Variants in SLIRP observed in about 807,000 individuals in gnomAD.
SLIRP encodes the protein SRA stem-loop-interacting RNA-binding protein, mitochondrial.
In SLIRP, 12 loss-of-function variants were observed where a neutral mutation model predicts 13.4. The ratio of observed to expected loss-of-function variants is 0.89; its 90% CI spans 0.57 to 1.45. The LOEUF is 1.45. Among genes scored for constraint, SLIRP ranks in the 40% most tolerant of loss-of-function variants. The pLI is 0.00. For synonymous variants in SLIRP, 55 were observed against 47.1 expected, an observed-to-expected ratio of 1.17 and a Z score of -0.69; for missense variants, 154 against 132.2, an observed-to-expected ratio of 1.17 and a Z score of -0.81.
chr14:77,714,281 C>T (rs2080460168), intron 2 of SLIRP, among the ~76,000 whole-genome samples: 3 of 152,160 alleles, frequency 2.0e-5, no homozygotes, highest in African/African-American at 4.8e-5. Context: ...GCTGTGATTA[C>T]AGGCATGAGC....
chr14:77,715,674 C>T (rs562675594), intron 2 of SLIRP, 98 bp from the exon 3 acceptor site: 64 of 1,002,810 alleles, frequency 6.4e-5, no homozygotes, highest in Middle Eastern at 3.1e-4. Context: ...TTAAAAAGTC[C>T]GATTTTTGGC....
intron 1 of SLIRP, among the ~76,000 whole-genome samples, 171 bp downstream of exon 1, chr14:77,708,379 C>T (rs912612458): frequency 7.2e-5 from 11 of 152,196 alleles, no homozygotes; most frequent in African/African-American, 1.4e-4. Flanking sequence ...TTAGGGATGT[C>T]CCTTGAGCTT....
intron 2 of SLIRP, among the ~76,000 whole-genome samples, chr14:77,714,676 T>G (rs1738875537): frequency 6.6e-6 from 1 of 152,264 alleles, no homozygotes; most frequent in African/African-American, 2.4e-5. Context: ...TAGAAATTGT[T>G]GTATCTACAA....
chr14:77,708,453 G>A (rs562545684), intron 1 of SLIRP, among the ~76,000 whole-genome samples: 10 of 152,254 alleles, frequency 6.6e-5, no homozygotes, highest in African/African-American at 2.4e-4. Context: ...TTTATTACTT[G>A]GTAACCAAGA....
chr14:77,717,526 C>A lies in SLIRP; in HGVS notation c.295C>A (p.Pro99Thr), dbSNP rs763654303. Residue 99 changes from proline (P) to threonine (T), a missense_variant, in exon 4 of 4, where the codon CCG (proline) becomes ACG (threonine). By Grantham distance (38) the Pro-to-Thr change is conservative. Transcript: ENST00000557342. ...GGTTCACACTAGAAGGCCAAAACTT[C>A]CGCAAACATCTGATGATGAAAAGAA... ...VQVHTRRPKL[P>T]QTSDDEKKDF The A allele has an allele frequency of 3.1e-6, 5 of 1,613,948 alleles. No homozygotes were observed. The highest frequency in any genetic ancestry group is 4.2e-6 in the Non-Finnish European group (5 of 1,180,006).
chr14:77,715,951 TA>T, intron 3 of SLIRP, 72 bp downstream of exon 3: 1 of 1,156,470 alleles, frequency 8.6e-7, no homozygotes, highest in Non-Finnish European at 1.3e-6. Flanking sequence ...ATCAATTAAA[TA>T]GATCATAAAT....
chr14:77,710,785 A>T, intron 1 of SLIRP, 53 bp from the exon 2 acceptor site: 1 of 1,609,590 alleles, frequency 6.2e-7, no homozygotes, highest in Admixed American at 1.7e-5. Flanking sequence ...ACAGTCTAAG[A>T]TAGAGAATCC....
chr14:77,715,826 G>C lies in SLIRP; in HGVS notation c.211G>C (p.Glu71Gln). 1 of 1,614,132 alleles carries C rather than the reference G, an allele frequency of 6.2e-7. No individual in the cohort carries two copies. Among genetic ancestry groups the C allele is most frequent in the Non-Finnish European group, 8.5e-7 (1 of 1,180,022 alleles). ...GGGTTGGGTTCAGTTTTCTTCAGAA[G>C]AAGGACTTCGGAATGCACTACAACA... ...GLGWVQFSSE[E>Q]GLRNALQQEN... The change falls in exon 3 of 4, where the codon GAA becomes CAA. Residue 71 changes from glutamate (E) to glutamine (Q), a missense_variant. Transcript: ENST00000557342.
intron 3 of SLIRP, 36 bp downstream of exon 3, chr14:77,715,915 T>C (rs1172754761): frequency 3.0e-6 from 4 of 1,329,074 alleles, no homozygotes; most frequent in Admixed American, 3.4e-5. Context: ...ATACATGATA[T>C]ACATGTAGGT....
chr14:77,711,399 A>G (rs1038050952), intron 2 of SLIRP, among the ~76,000 whole-genome samples: 7 of 152,088 alleles, frequency 4.6e-5, no homozygotes, highest in Non-Finnish European at 1.0e-4. Flanking sequence ...GCCTGATCTC[A>G]CTGCAGCCTC....
At chr14:77,715,910 T>C (rs777235562) in intron 3 of SLIRP, 31 bp downstream of exon 3, 7 of 1,453,392 alleles carry the variant, frequency 4.8e-6, no homozygotes, top group Non-Finnish European at 6.8e-6. Flanking sequence ...GATACATACA[T>C]GATATACATG....
chr14:77,714,700 G>A (rs1156891091), intron 2 of SLIRP, among the ~76,000 whole-genome samples: 2 of 152,202 alleles, frequency 1.3e-5, no homozygotes, highest in Non-Finnish European at 2.9e-5. Flanking sequence ...ATGGATCATT[G>A]GGACATCACC....
rs759168658 is a variant in SLIRP, at chr14:77,717,594, G to A, written c.*33G>A. On this transcript the variant is annotated 3_prime_UTR_variant, in exon 4 of 4. Transcript: ENST00000557342. The stretch of plus-strand genomic sequence containing the variant: ...GCCTATTAATAAAGTTAACATAACT[G>A]AGAATTTTGTCTAAATGTTTTTATT... 6.4e-7 allele frequency: 1 copy of A among 1,564,196 alleles called. No homozygotes were observed. The highest frequency in any genetic ancestry group is 8.8e-7 in the Non-Finnish European group (1 of 1,139,566).
At chr14:77,708,409 G>A (rs918739313) in intron 1 of SLIRP, among the ~76,000 whole-genome samples, 17 of 152,154 alleles carry the variant, frequency 1.1e-4, no homozygotes, top group African/African-American at 3.9e-4. Context: ...CGAATGCACC[G>A]GCTCTTGCCT....
At chr14:77,711,903 T>G (rs973672502) in intron 2 of SLIRP, 1 of 153,628 alleles carries the variant, frequency 6.5e-6, no homozygotes, top group Non-Finnish European at 1.4e-5. Flanking sequence ...CAGGCTGATC[T>G]TGAACTCCTG....
intron 1 of SLIRP, among the ~76,000 whole-genome samples, chr14:77,708,847 T>C (rs958435261): frequency 6.6e-6 from 1 of 152,224 alleles, no homozygotes; most frequent in Non-Finnish European, 1.5e-5. Flanking sequence ...TTGTATATCA[T>C]TGTGGCTGAG....
chr14:77,710,118 C>G (rs865964371), intron 1 of SLIRP, among the ~76,000 whole-genome samples: 2 of 152,060 alleles, frequency 1.3e-5, no homozygotes, highest in Non-Finnish European at 2.9e-5. Context: ...AGAAACAGAT[C>G]GTGTAGTTTT....
intron 2 of SLIRP, 131 bp from the exon 3 acceptor site, chr14:77,715,641 C>A: frequency 1.4e-6 from 1 of 738,762 alleles, no homozygotes; most frequent in Non-Finnish European, 2.2e-6. Context: ...CAAGACCCTG[C>A]CTAAAAATAA....
intron 2 of SLIRP, among the ~76,000 whole-genome samples, chr14:77,711,362 G>A (rs372172531): frequency 2.0e-5 from 3 of 151,922 alleles, no homozygotes; most frequent in East Asian, 1.9e-4. Context: ...ACAGGGTCTC[G>A]CTCTGTCCCC....
Sources: gnomAD v4.1 joint callset for allele counts (sites outside exome capture counted in the v4.1 genomes callset) on GRCh38, gnomAD v4.1.1 for gene constraint, MANE v1.5 for transcripts, NCBI Gene and HGNC (gene_info 2026-07-23, HGNC 2026-07-21) for gene names.